Variants in CACNA1A observed in about 807,000 individuals in gnomAD.
CACNA1A encodes voltage-dependent P/Q-type calcium channel subunit alpha-1A.
CACNA1A carries 57 observed loss-of-function variants against 262.4 expected under a neutral mutation model. The ratio of observed to expected loss-of-function variants is 0.22; its 90% confidence interval spans 0.18 to 0.27. CACNA1A has a LOEUF of 0.27. CACNA1A is among the 10% of genes least tolerant of loss of function. The pLI is 1.00. For synonymous variants in CACNA1A, 1,431 were observed against 1,419.3 expected (o/e 1.01, Z -0.18); for missense variants, 2,526 against 3,562.8 (o/e 0.71, Z 7.41).
At chr19:13,469,786 A>G (rs1164913257) in intron 1 of CACNA1A, among the ~76,000 whole-genome samples, 2 of 151,464 alleles carry the variant, frequency 1.3e-5, no homozygotes, top group Non-Finnish European at 2.9e-5. Flanking sequence ...ACCACCTCCC[A>G]GCTCACTAAC....
intron 24 of CACNA1A, among the ~76,000 whole-genome samples, chr19:13,263,824 T>C (rs866908012): frequency 1.3e-5 from 2 of 152,110 alleles, no homozygotes; most frequent in Non-Finnish European, 2.9e-5. Context: ...CCTGGCCCCC[T>C]GTGTATTCTT....
intron 3 of CACNA1A, among the ~76,000 whole-genome samples, chr19:13,376,656 C>CA (rs1428744040): frequency 6.8e-6 from 1 of 146,780 alleles, no homozygotes; most frequent in Non-Finnish European, 1.5e-5. Context: ...ATACACTACA[C>CA]ATAATATATG....
At chr19:13,331,586 A>G (rs1452082240) in intron 9 of CACNA1A, among the ~76,000 whole-genome samples, 1 of 152,208 alleles carries the variant, frequency 6.6e-6, no homozygotes, top group Non-Finnish European at 1.5e-5. Context: ...TCAAGCAAGA[A>G]GTTGCATTTT....
chr19:13,264,924 G>T (rs992859678), intron 24 of CACNA1A, among the ~76,000 whole-genome samples: 2 of 150,044 alleles, frequency 1.3e-5, no homozygotes, highest in Non-Finnish European at 2.9e-5. Flanking sequence ...GCCCAGGCTG[G>T]AGTGCAGTGG....
intron 3 of CACNA1A, among the ~76,000 whole-genome samples, chr19:13,401,121 G>C (rs2059893199): frequency 6.6e-6 from 1 of 152,202 alleles, no homozygotes; most frequent in African/African-American, 2.4e-5. Context: ...ACTGTTGCCT[G>C]TCCAGGACTC....
intron 37 of CACNA1A, 177 bp downstream of exon 37, chr19:13,227,254 G>A (rs1568438693): frequency 2.5e-6 from 1 of 393,894 alleles, no homozygotes; most frequent in Non-Finnish European, 4.7e-6. Context: ...AGAATCAAGG[G>A]ATGGTCATGA....
At chr19:13,282,278 C>A (rs1176224096) in intron 22 of CACNA1A, among the ~76,000 whole-genome samples, 2 of 152,104 alleles carry the variant, frequency 1.3e-5, no homozygotes, top group East Asian at 1.9e-4. Context: ...GGCAGCAGAG[C>A]CTTGGACCAG....
intron 1 of CACNA1A, among the ~76,000 whole-genome samples, chr19:13,457,048 G>C (rs926793123): frequency 6.6e-6 from 1 of 151,822 alleles, no homozygotes; most frequent in South Asian, 2.1e-4. Context: ...ACAGGAGTCC[G>C]AGACCAGCCT....
At chr19:13,299,832 T>A (rs1286796782) in intron 18 of CACNA1A, among the ~76,000 whole-genome samples, 1 of 152,118 alleles carries the variant, frequency 6.6e-6, no homozygotes, top group Non-Finnish European at 1.5e-5. Context: ...AGGGGCCAGT[T>A]TTGTGGAAGA....
intron 12 of CACNA1A, among the ~76,000 whole-genome samples, chr19:13,310,029 G>T (rs973270388): frequency 2.0e-5 from 3 of 152,076 alleles, no homozygotes; most frequent in Admixed American, 2.0e-4. Context: ...TGTCTCTATG[G>T]ATTTGCCTGC....
intron 22 of CACNA1A, among the ~76,000 whole-genome samples, chr19:13,280,798 G>A (rs908252789): frequency 2.0e-5 from 3 of 151,926 alleles, no homozygotes; most frequent in East Asian, 1.9e-4. Flanking sequence ...AAAATTAGCC[G>A]GGTGTGGTGG....
chr19:13,405,180 G>T (rs958337247), intron 3 of CACNA1A, among the ~76,000 whole-genome samples: 1 of 151,764 alleles, frequency 6.6e-6, no homozygotes, highest in Non-Finnish European at 1.5e-5. Context: ...ACAGGTATGA[G>T]CCAGCGCGCC....
chr19:13,254,237 G>C (rs1248937428), intron 29 of CACNA1A, among the ~76,000 whole-genome samples: 1 of 152,176 alleles, frequency 6.6e-6, no homozygotes, highest in African/African-American at 2.4e-5. Flanking sequence ...AGCTGGGCTT[G>C]AATCCACGCT....
chr19:13,372,142 G>A (rs2059333840), intron 3 of CACNA1A, among the ~76,000 whole-genome samples: 1 of 151,944 alleles, frequency 6.6e-6, no homozygotes, highest in African/African-American at 2.4e-5. Context: ...GACCTTTCGG[G>A]GTTTGTGGCT....
chr19:13,359,074 G>A (rs965588865), intron 6 of CACNA1A, among the ~76,000 whole-genome samples: 6 of 152,290 alleles, frequency 3.9e-5, no homozygotes, highest in Non-Finnish European at 7.3e-5. Flanking sequence ...AGAATTGCAC[G>A]CAAGTTCATG....
intron 3 of CACNA1A, among the ~76,000 whole-genome samples, chr19:13,376,337 G>A (rs932334296): frequency 3.6e-4 from 55 of 152,160 alleles, no homozygotes; most frequent in African/African-American, 1.3e-3. Flanking sequence ...TGACTCTCTT[G>A]TTAGGAGCTA....
At chr19:13,394,573 T>C (rs933576431) in intron 3 of CACNA1A, among the ~76,000 whole-genome samples, 3 of 152,196 alleles carry the variant, frequency 2.0e-5, no homozygotes, top group Non-Finnish European at 4.4e-5. Context: ...CTCTTCCTGC[T>C]TCTTCTCTTG....
intron 10 of CACNA1A, among the ~76,000 whole-genome samples, chr19:13,318,540 G>C (rs2058177438): frequency 1.3e-5 from 2 of 152,152 alleles, no homozygotes; most frequent in Admixed American, 1.3e-4. Flanking sequence ...GCTGCCGAGT[G>C]GGAGAGTAGA....
At chr19:13,230,386 AAG>A (rs778461294) in intron 35 of CACNA1A, among the ~76,000 whole-genome samples, 177 bp from the exon 36 acceptor site, 5 of 152,068 alleles carry the variant, frequency 3.3e-5, no homozygotes, top group Non-Finnish European at 5.9e-5. Context: ...CAGAGACAGA[AAG>A]AGACTGGGGA....
Sources: gnomAD v4.1 joint callset for allele counts (sites outside exome capture counted in the v4.1 genomes callset) on GRCh38, gnomAD v4.1.1 for gene constraint, MANE v1.5 for transcripts, NCBI Gene and HGNC (gene_info 2026-07-23, HGNC 2026-07-21) for gene names.